Variants in SLC6A15 observed in about 807,000 individuals in gnomAD.
SLC6A15 encodes solute carrier family 6 member 15, also known as sodium-dependent neutral amino acid transporter B(0)AT2.
In SLC6A15, 33 loss-of-function variants were observed where a neutral mutation model predicts 68.5. The ratio of observed to expected loss-of-function variants is 0.48; its 90% CI spans 0.37 to 0.64. The LOEUF (loss-of-function observed/expected upper bound fraction) is 0.64, where lower values mean the gene tolerates loss of function less well. Among genes scored for constraint, SLC6A15 ranks in the 30% least tolerant of loss-of-function variants. The pLI is 0.00. For missense variants in SLC6A15, 747 were observed against 874.3 expected (o/e 0.85, Z 1.84); for synonymous variants, 347 against 301.0 (o/e 1.15, Z -1.58).
In SLC6A15 at chr12:84,909,168, T is replaced by A. The variant is rs191405541; in HGVS notation, c.-189+3355A>T. ...ATGCATGAGAGTGCCCGCTTTCTTC[T>A]ACTGTCTTCTGTATAACAAATAATC... On this transcript the variant is annotated intron_variant, in intron 1 of 11. Coordinates refer to ENST00000266682, the MANE Select transcript of SLC6A15 (RefSeq NM_182767.6). Among the ~76,000 whole-genome samples the A allele has an allele frequency of 2.9e-4, 44 of 152,280 alleles. No homozygotes were observed. In the East Asian group the frequency reaches 6.5e-3, roughly 23 times the overall value.
chr12:84,904,345 C>T (rs187952501), intron 1 of SLC6A15, among the ~76,000 whole-genome samples: 18 of 151,988 alleles, frequency 1.2e-4, no homozygotes, highest in African/African-American at 4.1e-4. Flanking sequence ...AGGTAACACA[C>T]CAATTAGAGC....
At chr12:84,906,458 A>G (rs2120738516) in intron 1 of SLC6A15, among the ~76,000 whole-genome samples, 1 of 152,334 alleles carries the variant, frequency 6.6e-6, no homozygotes, top group East Asian at 1.9e-4. Context: ...TGAACAGGCA[A>G]AAAATTAGAG....
chr12:84,894,213 A>G (rs1872539908), intron 1 of SLC6A15, among the ~76,000 whole-genome samples: 1 of 152,194 alleles, frequency 6.6e-6, no homozygotes, highest in Non-Finnish European at 1.5e-5. Flanking sequence ...TTGCTGGAAG[A>G]AAACAACCTG....
intron 1 of SLC6A15, among the ~76,000 whole-genome samples, chr12:84,907,140 G>C (rs376407466): frequency 1.3e-5 from 2 of 152,114 alleles, no homozygotes; most frequent in Non-Finnish European, 2.9e-5. Flanking sequence ...ATGAGGTCAG[G>C]AGATTGAGAC....
chr12:84,899,554 C>T (rs1052794630), intron 1 of SLC6A15, among the ~76,000 whole-genome samples: 4 of 152,108 alleles, frequency 2.6e-5, no homozygotes, highest in African/African-American at 9.7e-5. Context: ...TGCCAAGCAT[C>T]CCATTGTTTC....
rs1270494773 is a variant in SLC6A15, at chr12:84,859,686, G to C, written c.*1946C>G. 1 of 151,566 alleles carries C rather than the reference G, an allele frequency of 6.6e-6. No homozygotes were observed. Among genetic ancestry groups the C allele is most frequent in the African/African-American group, 2.4e-5 (1 of 41,274 alleles). The allele number at this position is 151,566 out of a possible 1,614,324, so 9.4% of individuals were successfully genotyped here. On this transcript the variant is annotated 3_prime_UTR_variant, in exon 12 of 12. Coordinates refer to ENST00000266682, the MANE Select transcript of SLC6A15 (RefSeq NM_182767.6). Reference sequence around the variant, plus strand: ...GGCAGGTTAAGTATTAAAGATTAGGGTACCATATAAAAATATTGCCTCAAC... The same window carrying C: ...GGCAGGTTAAGTATTAAAGATTAGGCTACCATATAAAAATATTGCCTCAAC...
chr12:84,898,815 T>C (rs1872734782), intron 1 of SLC6A15, among the ~76,000 whole-genome samples: 1 of 152,224 alleles, frequency 6.6e-6, no homozygotes, highest in Non-Finnish European at 1.5e-5. Flanking sequence ...ATTTTCTCCT[T>C]AACACAACTT....
At chr12:84,883,150 T>TG in intron 5 of SLC6A15, 2 of 944,402 alleles carry the variant, frequency 2.1e-6, no homozygotes, top group Non-Finnish European at 2.5e-6. Context: ...GCTGTGATAA[T>TG]GAAAAAAAAA....
intron 10 of SLC6A15, among the ~76,000 whole-genome samples, chr12:84,865,644 A>G (rs771417021): frequency 6.6e-6 from 1 of 152,186 alleles, no homozygotes; most frequent in African/African-American, 2.4e-5. Flanking sequence ...ACCCCTGTTA[A>G]CTGCTGATGT....
At position 84,859,981 on chromosome 12, in the gene SLC6A15, A is replaced by T. The variant is rs1297385502; in HGVS notation, c.*1651T>A. On this transcript the variant is annotated 3_prime_UTR_variant, in exon 12 of 12. Coordinates refer to ENST00000266682, the MANE Select transcript of SLC6A15 (RefSeq NM_182767.6). Reference sequence around the variant, plus strand: ...AACTTACTTCACACTGAATTGTCATAATTTTTTAGTTTTGTATAATGTGCA... The same window carrying T: ...AACTTACTTCACACTGAATTGTCATTATTTTTTAGTTTTGTATAATGTGCA... 1 of 152,042 alleles carries T rather than the reference A, an allele frequency of 6.6e-6. No homozygotes were observed. The highest frequency in any genetic ancestry group is 1.5e-5 in the Non-Finnish European group (1 of 67,912). The allele number at this position is 152,042 out of a possible 1,614,324, so 9.4% of individuals were successfully genotyped here.
In SLC6A15 at chr12:84,872,688, C is replaced by T. The variant is rs1282191787; in HGVS notation, c.1216G>A (p.Val406Ile). 1.2e-6 allele frequency: 2 copies of T among 1,612,778 alleles called. No individual in the cohort carries two copies. The highest frequency in any genetic ancestry group is 3.3e-5 in the Admixed American group (2 of 59,962). The change falls in exon 8 of 12, where the codon GTT becomes ATT. Residue 406 changes from valine (V) to isoleucine (I), a missense_variant. Val to Ile is a conservative substitution (Grantham distance 29). Transcript: ENST00000266682. ...STVTAEDYHL[V>I]YDIIQKVKEE... ...TTCACTTTTTGAATGATGTCATAAA[C>T]TAAATGATAATCTTCTGCAGTAACA...
intron 4 of SLC6A15, 33 bp downstream of exon 4, chr12:84,885,402 A>G (rs926809787): frequency 4.5e-6 from 7 of 1,548,546 alleles, no homozygotes; most frequent in Non-Finnish European, 6.1e-6. Context: ...TATAATGCTT[A>G]AATACCAAAA....
chr12:84,877,388 C>T (rs1871597843), intron 5 of SLC6A15, among the ~76,000 whole-genome samples: 1 of 152,124 alleles, frequency 6.6e-6, no homozygotes, highest in South Asian at 2.1e-4. Context: ...TGCTGGCTGC[C>T]CCTTGGTTTA....
rs1032720617 is a variant in SLC6A15, at chr12:84,876,515, G to A, written c.849C>T (p.Arg283=). ...FLLNGSIDGI[R]HMFTPKLEIM... ...TACATACCTTAGGGGTAAACATGTGGCGAATGCCATCAATTGAACCATTTA... is the reference window on the plus strand; with the variant it reads ...TACATACCTTAGGGGTAAACATGTGACGAATGCCATCAATTGAACCATTTA... Residue 283 remains arginine, a synonymous_variant, in exon 6 of 12, where the codon CGC becomes CGT. Coordinates refer to ENST00000266682, the MANE Select transcript of SLC6A15 (RefSeq NM_182767.6). 1.9e-6 allele frequency: 3 copies of A among 1,586,892 alleles called. No homozygotes were observed. Among genetic ancestry groups the A allele is most frequent in the Admixed American group, 1.8e-5 (1 of 56,808 alleles).
At position 84,860,918 on chromosome 12, in the gene SLC6A15, TG is replaced by T. The variant is rs1293189173; in HGVS notation, c.*713del. 1 of 152,150 alleles carries T rather than the reference TG, an allele frequency of 6.6e-6. No homozygotes were observed. Among genetic ancestry groups the T allele is most frequent in the East Asian group, 1.9e-4 (1 of 5,194 alleles). The allele number at this position is 152,150 out of a possible 1,614,324, so 9.4% of individuals were successfully genotyped here. A position where few individuals can be genotyped will look rare whatever the true frequency, so the allele number is the denominator to read the frequency against. On this transcript the variant is annotated 3_prime_UTR_variant, in exon 12 of 12. Coordinates refer to ENST00000266682, the MANE Select transcript of SLC6A15 (RefSeq NM_182767.6). Reference sequence around the variant, plus strand: ...CACGGCATAAGAAAAATGCAGAATCTGCATAATTCTTGAGAGTGCTGAGTAA... The same window carrying T: ...CACGGCATAAGAAAAATGCAGAATCTCATAATTCTTGAGAGTGCTGAGTAA...
chr12:84,881,249 GCTCT>G (rs762878250), intron 5 of SLC6A15: 31 of 167,596 alleles, frequency 1.8e-4, no homozygotes, highest in Middle Eastern at 3.0e-3. Flanking sequence ...GTGATGCTGA[GCTCT>G]CTACCATTGA....
intron 9 of SLC6A15, among the ~76,000 whole-genome samples, chr12:84,870,228 C>A (rs907335301): frequency 1.3e-5 from 2 of 149,698 alleles, no homozygotes; most frequent in South Asian, 2.1e-4. Flanking sequence ...TGAATTATAA[C>A]AATAAATATT....
At chr12:84,881,787 G>A in intron 5 of SLC6A15, 1 of 941,202 alleles carries the variant, frequency 1.1e-6, no homozygotes, top group Non-Finnish European at 1.3e-6. Context: ...TAAACACAAA[G>A]CTTAACCTTT....
chr12:84,870,740 CAATGAGGAGGAAAGATCTCTG>C (rs1398623190), intron 8 of SLC6A15, 70 bp from the exon 9 acceptor site: 1 of 925,328 alleles, frequency 1.1e-6, no homozygotes, highest in East Asian at 2.8e-5. Context: ...ATGTCAGTTA[CAATGAGGAGGAAAGATCTCTG>C]AATAATGGCC....
Sources: allele counts gnomAD v4.1 joint callset (sites outside exome capture counted in the v4.1 genomes callset), GRCh38; gene constraint gnomAD v4.1.1; transcripts MANE v1.5; gene names NCBI Gene and HGNC (gene_info 2026-07-23, HGNC 2026-07-21).